MYO1E: variants seen among roughly 807,000 people sequenced by gnomAD.
MYO1E encodes the protein myosin IE, also known as unconventional myosin-Ie.
In MYO1E, 68 loss-of-function variants were observed where a neutral mutation model predicts 151.1. The observed-to-expected ratio is 0.45, with a 90% CI of 0.37 to 0.55. The LOEUF (loss-of-function observed/expected upper bound fraction) is 0.55, where lower values mean the gene tolerates loss of function less well. Ranked by LOEUF, MYO1E falls within the 20% of genes least tolerant of loss-of-function variation. The pLI is 0.00. For synonymous variants in MYO1E, 601 were observed against 501.7 expected, an observed-to-expected ratio of 1.20 and a Z score of -2.64; for missense variants, 1,363 against 1,389.3, an observed-to-expected ratio of 0.98 and a Z score of 0.30.
intron 1 of MYO1E, among the ~76,000 whole-genome samples, chr15:59,329,710 C>T (rs1213444275): frequency 1.3e-5 from 2 of 152,178 alleles, no homozygotes; most frequent in African/African-American, 4.8e-5. Context: ...ATAACCACCA[C>T]TTTTTGATTC....
chr15:59,234,246 G>A (rs62002693), intron 5 of MYO1E, among the ~76,000 whole-genome samples: 43,780 of 141,374 alleles, frequency 0.31, 7,573 homozygotes, highest in East Asian at 0.56. Context: ...GGATGGATGG[G>A]TGCATGGATG....
intron 21 of MYO1E, 143 bp from the exon 22 acceptor site, chr15:59,172,185 C>T (rs1419508307): frequency 5.6e-5 from 52 of 923,880 alleles, no homozygotes; most frequent in South Asian, 5.2e-4. Flanking sequence ...GGTGAAACCC[C>T]GTCTCTACTG....
chr15:59,327,759 A>C (rs2080674196), intron 1 of MYO1E, among the ~76,000 whole-genome samples: 1 of 152,158 alleles, frequency 6.6e-6, no homozygotes, highest in Non-Finnish European at 1.5e-5. Context: ...GCAGCTATAG[A>C]GTGGGGCAAA....
At chr15:59,243,538 G>T (rs761251908) in intron 4 of MYO1E, among the ~76,000 whole-genome samples, 32 of 152,160 alleles carry the variant, frequency 2.1e-4, no homozygotes, top group Admixed American at 9.2e-4. Flanking sequence ...AGAAAAGGAG[G>T]TGAGAGAGTC....
chr15:59,185,345 G>C (rs908004486), intron 18 of MYO1E, among the ~76,000 whole-genome samples: 2 of 152,194 alleles, frequency 1.3e-5, no homozygotes, highest in South Asian at 4.1e-4. Flanking sequence ...CCAACTCACT[G>C]CAACTTCCAT....
chr15:59,266,239 T>G (rs17236502), intron 2 of MYO1E, among the ~76,000 whole-genome samples: 23,496 of 152,160 alleles, frequency 0.15, 2,798 homozygotes, highest in East Asian at 0.53. Flanking sequence ...ATAATTCAGG[T>G]GTGCCTCTGG....
At chr15:59,245,328 A>G (rs1416407409) in intron 4 of MYO1E, among the ~76,000 whole-genome samples, 1 of 152,228 alleles carries the variant, frequency 6.6e-6, no homozygotes, top group East Asian at 1.9e-4. Flanking sequence ...TTACTACTGC[A>G]AAAATTACAT....
At chr15:59,366,418 A>G (rs1163348828) in intron 1 of MYO1E, among the ~76,000 whole-genome samples, 2 of 152,036 alleles carry the variant, frequency 1.3e-5, no homozygotes, top group African/African-American at 4.8e-5. Flanking sequence ...CCTCCCAAGT[A>G]GCTGGGACTA....
chr15:59,313,808 C>A (rs971323029), intron 1 of MYO1E, among the ~76,000 whole-genome samples: 2 of 152,102 alleles, frequency 1.3e-5, no homozygotes, highest in African/African-American at 4.8e-5. Context: ...GGGGAAGTTC[C>A]CTGGAAGTCT....
At chr15:59,262,468 A>G (rs1322437381) in intron 2 of MYO1E, among the ~76,000 whole-genome samples, 2 of 151,880 alleles carry the variant, frequency 1.3e-5, no homozygotes, top group South Asian at 2.1e-4. Flanking sequence ...ACAAAAACAA[A>G]AACAAAAACA....
intron 1 of MYO1E, among the ~76,000 whole-genome samples, chr15:59,285,573 T>C (rs1326622162): frequency 6.6e-6 from 1 of 152,022 alleles, no homozygotes; most frequent in Non-Finnish European, 1.5e-5. Flanking sequence ...GATCTTGAAC[T>C]CCTGACGTCA....
intron 1 of MYO1E, among the ~76,000 whole-genome samples, chr15:59,274,068 C>T (rs75277548): frequency 0.47 from 70,975 of 150,918 alleles, 19,979 homozygotes; most frequent in Middle Eastern, 0.64. Flanking sequence ...ACTTTTTTTT[C>T]GATGGGAAAC....
In MYO1E at chr15:59,136,529, G is replaced by GT. The variant is rs1318113716; in HGVS notation, c.*850dup. ...TCTTTAAGTACCTGGTGTGAGTTTT[G>GT]TAAGAAAACCTACCTTATGAATGAG... On this transcript the variant is annotated 3_prime_UTR_variant, in exon 28 of 28. Coordinates refer to ENST00000288235, the MANE Select transcript of MYO1E (RefSeq NM_004998.4). 5 of 321,750 alleles carry GT rather than the reference G, an allele frequency of 1.6e-5. No homozygotes were observed. Among genetic ancestry groups the GT allele is most frequent in the African/African-American group, 1.1e-4 (5 of 46,356 alleles). The allele number at this position is 321,750 out of a possible 1,614,324, so 19.9% of individuals were successfully genotyped here.
At chr15:59,142,253 T>A (rs965774298) in intron 26 of MYO1E, among the ~76,000 whole-genome samples, 7 of 152,178 alleles carry the variant, frequency 4.6e-5, no homozygotes, top group African/African-American at 1.7e-4. Context: ...AACCCACAGA[T>A]GCTAATTTGT....
intron 17 of MYO1E, 94 bp from the exon 18 acceptor site, chr15:59,188,310 G>A: frequency 1.1e-6 from 1 of 922,380 alleles, no homozygotes; most frequent in South Asian, 1.3e-5. Flanking sequence ...GTTCCAAGCT[G>A]TAGGGAAACA....
intron 23 of MYO1E, 135 bp from the exon 24 acceptor site, chr15:59,161,365 G>A (rs1470595580): frequency 1.9e-6 from 2 of 1,028,792 alleles, no homozygotes; most frequent in Non-Finnish European, 2.8e-6. Context: ...CCAGGAGCAG[G>A]GCCCTGAGGA....
At chr15:59,182,625 T>C (rs1407976572) in intron 18 of MYO1E, among the ~76,000 whole-genome samples, 6 of 152,158 alleles carry the variant, frequency 3.9e-5, no homozygotes, top group African/African-American at 1.2e-4. Flanking sequence ...GCAGGAGAGC[T>C]AAGGGAGGCA....
intron 9 of MYO1E, among the ~76,000 whole-genome samples, chr15:59,222,190 A>G (rs1566983718): frequency 6.6e-6 from 1 of 152,256 alleles, no homozygotes; most frequent in Non-Finnish European, 1.5e-5. Context: ...CCTTATTTGG[A>G]ATGGAAATAT....
At chr15:59,227,418 A>G in intron 7 of MYO1E, 41 bp downstream of exon 7, 1 of 1,611,738 alleles carries the variant, frequency 6.2e-7, no homozygotes, top group Non-Finnish European at 8.5e-7. Context: ...TAATGTAGAG[A>G]AGGGACAGGA....
Sources: gnomAD v4.1 joint callset for allele counts (sites outside exome capture counted in the v4.1 genomes callset) on GRCh38, gnomAD v4.1.1 for gene constraint, MANE v1.5 for transcripts, NCBI Gene and HGNC (gene_info 2026-07-23, HGNC 2026-07-21) for gene names.